The following ZNF766 variants were observed in gnomAD, a reference collection of about 807,000 sequenced individuals.
ZNF766 encodes zinc finger protein 766.
A neutral mutation model predicts 13.2 loss-of-function variants in ZNF766; 13 were observed. That is an observed-to-expected ratio of 0.98 (90% CI 0.64 to 1.56). The LOEUF (loss-of-function observed/expected upper bound fraction) is 1.56. ZNF766 is among the 40% of genes most tolerant of loss of function. ZNF766 has a pLI of 0.00. For missense variants in ZNF766, 521 were observed against 552.2 expected (o/e 0.94, Z 0.57); for synonymous variants, 178 against 187.6 (o/e 0.95, Z 0.42).
chr19:52,281,919 A>T (rs1170912891), intron 1 of ZNF766, 192 bp from the exon 2 acceptor site: 1 of 678,718 alleles, frequency 1.5e-6, no homozygotes, highest in South Asian at 1.5e-5. Flanking sequence ...AGAATATCAT[A>T]ACTTTTTATG....
At position 52,291,438 on chromosome 19, in the gene ZNF766, G is replaced by T. The variant is rs1248371239; in HGVS notation, c.*240G>T. 4.6e-6 allele frequency: 2 copies of T among 439,290 alleles called. No homozygotes were observed. The highest frequency in any genetic ancestry group is 8.0e-6 in the Non-Finnish European group (2 of 250,516). 27.2% of individuals were successfully genotyped at this position (439,290 alleles called of 1,614,324 possible). On this transcript the variant is annotated 3_prime_UTR_variant, in exon 4 of 4. Coordinates refer to ENST00000439461, the MANE Select transcript of ZNF766 (RefSeq NM_001010851.3). ...TGTATAAAGGGTGCAAGGACACGTG[G>T]AAATGATCTGTAATATTCGGGTTAT...
At chr19:52,274,728 G>C (rs1481221405) in intron 1 of ZNF766, 1 of 152,326 alleles carries the variant, frequency 6.6e-6, no homozygotes, top group African/African-American at 2.4e-5. Flanking sequence ...GGGAAGCTAA[G>C]GTAGGAGAAT....
At chr19:52,275,722 C>G (rs1981164030) in intron 1 of ZNF766, 1 of 150,554 alleles carries the variant, frequency 6.6e-6, no homozygotes, top group Non-Finnish European at 1.5e-5. Context: ...GTCACCCAGG[C>G]CGGAGTGCAG....
At chr19:52,273,608 T>A (rs1403750961) in intron 1 of ZNF766, among the ~76,000 whole-genome samples, 1 of 152,238 alleles carries the variant, frequency 6.6e-6, no homozygotes, top group African/African-American at 2.4e-5. Flanking sequence ...CAAACACCTT[T>A]TCTTCCCCAG....
intron 1 of ZNF766, among the ~76,000 whole-genome samples, chr19:52,272,101 C>T (rs1157543036): frequency 6.6e-6 from 1 of 151,774 alleles, no homozygotes; most frequent in African/African-American, 2.4e-5. Flanking sequence ...CCCTCTTCAA[C>T]GCTCCATTTG....
In ZNF766 at chr19:52,292,453, C is replaced by A; in HGVS notation, c.*1255C>A. ...GGATTTTTATGGGAAGAGAGTTCAT[C>A]AGGGACTGATTACGTAGGAGAGACG... On this transcript the variant is annotated 3_prime_UTR_variant, in exon 4 of 4. Transcript: ENST00000439461. 1 of 421,378 alleles carries A rather than the reference C, an allele frequency of 2.4e-6. No homozygotes were observed. The allele number at this position is 421,378 out of a possible 1,614,324, so 26.1% of individuals were successfully genotyped here.
chr19:52,277,971 C>CA (rs1981294414), intron 1 of ZNF766, among the ~76,000 whole-genome samples: 1 of 128,638 alleles, frequency 7.8e-6, no homozygotes, highest in African/African-American at 3.0e-5. Context: ...ATCTTTTCTG[C>CA]CTTTTTTTTT....
intron 3 of ZNF766, among the ~76,000 whole-genome samples, chr19:52,286,318 CTTTCTTT>C (rs1402215603): frequency 8.3e-4 from 117 of 141,274 alleles, no homozygotes; most frequent in African/African-American, 2.9e-3. Flanking sequence ...GAGTGTTTTT[CTTTCTTT>C]TTTTTTTTTT....
At chr19:52,277,103 G>A in intron 1 of ZNF766, 6 of 1,012,440 alleles carry the variant, frequency 5.9e-6, no homozygotes, top group Middle Eastern at 5.9e-4. Flanking sequence ...TGTGGCACAG[G>A]AAGAAAGTAT....
intron 2 of ZNF766, 132 bp from the exon 3 acceptor site, chr19:52,283,153 G>A (rs368160877): frequency 3.2e-5 from 35 of 1,094,670 alleles, no homozygotes; most frequent in East Asian, 2.2e-4. Context: ...TCTGTTGCTT[G>A]CTGACTTTTT....
chr19:52,270,235 C>T (rs868033222), intron 1 of ZNF766, among the ~76,000 whole-genome samples: 10 of 152,158 alleles, frequency 6.6e-5, no homozygotes, highest in African/African-American at 1.2e-4. Flanking sequence ...TTATTCCAGT[C>T]CCCTCCCTGT....
intron 3 of ZNF766, among the ~76,000 whole-genome samples, chr19:52,288,320 C>T (rs77419829): frequency 0.018 from 2,684 of 151,962 alleles, 89 homozygotes; most frequent in African/African-American, 0.061. Context: ...CGTGCCTGGT[C>T]GTGTTCATTT....
chr19:52,281,796 C>A, intron 1 of ZNF766: 3 of 517,866 alleles, frequency 5.8e-6, no homozygotes, highest in South Asian at 4.4e-5. Flanking sequence ...ATGTTCGACA[C>A]ACCAAGTGAT....
Position 52,290,065 on chromosome 19 carries a change from G to T in ZNF766, c.275-1G>T. 6.3e-7 allele frequency: 1 copy of T among 1,596,176 alleles called. No homozygotes were observed. On this transcript the variant is annotated splice_acceptor_variant, in intron 3 of 3. Coordinates refer to ENST00000439461, the MANE Select transcript of ZNF766 (RefSeq NM_001010851.3). LOFTEE classifies it high-confidence loss of function. ...ATTATACTCTTTACTTGCTTTCCTAGGGAGGAGCTGTGCAGTGAGAAGCAA... is the reference window on the plus strand; with the variant it reads ...ATTATACTCTTTACTTGCTTTCCTATGGAGGAGCTGTGCAGTGAGAAGCAA...
intron 2 of ZNF766, 126 bp from the exon 3 acceptor site, chr19:52,283,159 T>G (rs1380515612): frequency 2.5e-6 from 3 of 1,222,774 alleles, no homozygotes; most frequent in Non-Finnish European, 3.3e-6. Flanking sequence ...GCTTGCTGAC[T>G]TTTTCATGAT....
chr19:52,284,712 G>C (rs1337680763), intron 3 of ZNF766: 1 of 151,906 alleles, frequency 6.6e-6, no homozygotes, highest in Non-Finnish European at 1.5e-5. Context: ...CACAAGTCAG[G>C]GTTCCCTCGA....
At chr19:52,280,612 T>G (rs1981456513) in intron 1 of ZNF766, among the ~76,000 whole-genome samples, 1 of 152,084 alleles carries the variant, frequency 6.6e-6, no homozygotes, top group African/African-American at 2.4e-5. Flanking sequence ...AAACTGAGTC[T>G]TGCTCTGTCG....
At position 52,293,469 on chromosome 19, in the gene ZNF766, C is replaced by T. The variant is rs1280614515; in HGVS notation, c.*2271C>T. On this transcript the variant is annotated 3_prime_UTR_variant, in exon 4 of 4. Coordinates refer to ENST00000439461, the MANE Select transcript of ZNF766 (RefSeq NM_001010851.3). ...AGATTACAGGCATGAGCCACGGCGC[C>T]TGGCCAGGATTTTTAAGGTTGAAGC... is the stretch of plus-strand genomic sequence containing the variant. 6.6e-6 allele frequency: 1 copy of T among 151,890 alleles called. No homozygotes were observed. The highest frequency in any genetic ancestry group is 2.0e-4 in the East Asian group (1 of 5,120). The allele number at this position is 151,890 out of a possible 1,614,324, so 9.4% of individuals were successfully genotyped here. A position where few individuals can be genotyped will look rare whatever the true frequency, so the allele number is the denominator to read the frequency against.
rs71254004 is a variant in ZNF766 at position 52,286,188 on chromosome 19, T to TCCCCCC, written c.274+2776_274+2781dup. Among the ~76,000 whole-genome samples, 41 of 146,608 alleles carry TCCCCCC rather than the reference T, an allele frequency of 2.8e-4. 4 individuals carry two copies. Among genetic ancestry groups the TCCCCCC allele is most frequent in the African/African-American group, 9.9e-4 (37 of 37,284 alleles). On this transcript the variant is annotated intron_variant, in intron 3 of 3. Coordinates refer to ENST00000439461, the MANE Select transcript of ZNF766 (RefSeq NM_001010851.3). ...GAAAGAAAGAATCCAAGTGGGCTTT[T>TCCCCCC]CCCCCCTAATTATAAAGGAAAAGCC...
Sources: gnomAD v4.1 joint callset for allele counts (sites outside exome capture counted in the v4.1 genomes callset) on GRCh38, gnomAD v4.1.1 for gene constraint, MANE v1.5 for transcripts, NCBI Gene and HGNC (gene_info 2026-07-23, HGNC 2026-07-21) for gene names.